Variants in PIAS2 observed in about 807,000 individuals in gnomAD.
PIAS2 encodes protein inhibitor of activated STAT 2.
A neutral mutation model predicts 69.7 loss-of-function variants in PIAS2; 19 were observed. The observed-to-expected ratio is 0.27, with a 90% confidence interval of 0.19 to 0.40. The LOEUF is 0.40. Ranked by LOEUF, PIAS2 falls within the 10% of genes least tolerant of loss-of-function variation. The pLI is 1.00. For missense variants in PIAS2, 624 were observed against 757.0 expected (o/e 0.82, Z 2.06); for synonymous variants, 261 against 263.2 (o/e 0.99, Z 0.08).
chr18:46,890,502 C>T (rs571119807), intron 2 of PIAS2, 78 bp downstream of exon 2: 132 of 874,444 alleles, frequency 1.5e-4, no homozygotes, highest in Admixed American at 3.9e-4. Flanking sequence ...ATTAACAGCA[C>T]ATCATTAATC....
chr18:46,854,164 G>A (rs1190649310), intron 5 of PIAS2, among the ~76,000 whole-genome samples: 3 of 152,174 alleles, frequency 2.0e-5, no homozygotes, highest in Non-Finnish European at 4.4e-5. Context: ...GTCAGTCTCA[G>A]TCATGGAATT....
At chr18:46,851,065 G>C (rs2145358435) in intron 5 of PIAS2, among the ~76,000 whole-genome samples, 1 of 152,260 alleles carries the variant, frequency 6.6e-6, no homozygotes, top group Admixed American at 6.5e-5. Context: ...ATTGGGGTGA[G>C]TGTGCACACA....
At chr18:46,917,659 G>T, upstream of PIAS2, 1 of 638,980 alleles carries the variant, frequency 1.6e-6, no homozygotes, top group Non-Finnish European at 2.0e-6. Flanking sequence ...CCCGCGGCTT[G>T]GCCCCGCTCG....
At chr18:46,828,231 CA>C in intron 10 of PIAS2, 101 bp from the exon 11 acceptor site, 1 of 1,036,134 alleles carries the variant, frequency 9.7e-7, no homozygotes, top group South Asian at 2.4e-5. Context: ...TTCCTGACAA[CA>C]TATAGCCAGT....
Position 46,806,678 on chromosome 18 carries a change from C to T in PIAS2, c.*5755G>A, listed in dbSNP as rs912226224. 6.6e-6 allele frequency: 1 copy of T among 151,990 alleles called. No homozygotes were observed. The highest frequency in any genetic ancestry group is 1.5e-5 in the Non-Finnish European group (1 of 68,012). 9.4% of individuals were successfully genotyped at this position (151,990 alleles called of 1,614,324 possible). A position where few individuals can be genotyped will look rare whatever the true frequency, so the allele number is the denominator to read the frequency against. On this transcript the variant is annotated 3_prime_UTR_variant, in exon 14 of 14. Transcript: ENST00000585916. Reference sequence around the variant, plus strand: ...GCTTAAGAATTCTTGATTTTTGGAACCTTGATTATAAGCTGCCTGATGTCT... The same window carrying T: ...GCTTAAGAATTCTTGATTTTTGGAATCTTGATTATAAGCTGCCTGATGTCT...
chr18:46,843,204 A>C (rs1599633554), intron 8 of PIAS2, among the ~76,000 whole-genome samples: 1 of 152,220 alleles, frequency 6.6e-6, no homozygotes. Context: ...AAGACAGTTA[A>C]ATAAAAGAAC....
At chr18:46,834,932 A>C (rs1034048817) in intron 9 of PIAS2, among the ~76,000 whole-genome samples, 3 of 152,244 alleles carry the variant, frequency 2.0e-5, no homozygotes, top group Admixed American at 2.0e-4. Flanking sequence ...ATAAATAGTA[A>C]AAGTCTTACA....
chr18:46,905,246 T>A (rs1056687427), intron 1 of PIAS2, among the ~76,000 whole-genome samples: 5 of 152,208 alleles, frequency 3.3e-5, no homozygotes, highest in African/African-American at 1.2e-4. Context: ...AGAGGAACTC[T>A]GTTTGGAAAT....
intron 3 of PIAS2, among the ~76,000 whole-genome samples, chr18:46,859,333 C>G (rs553935288): frequency 8.5e-4 from 125 of 146,370 alleles, no homozygotes; most frequent in African/African-American, 3.1e-3. Context: ...GAGGCTGCGG[C>G]AGGAGAATGG....
intron 1 of PIAS2, among the ~76,000 whole-genome samples, chr18:46,912,679 TA>T (rs2057394415): frequency 6.6e-6 from 1 of 152,174 alleles, no homozygotes; most frequent in Non-Finnish European, 1.5e-5. Context: ...AGTTAAGAAA[TA>T]TTTTTTTTGA....
At chr18:46,862,774 C>T (rs8085090) in intron 3 of PIAS2, among the ~76,000 whole-genome samples, 1,966 of 152,052 alleles carry the variant, frequency 0.013, 42 homozygotes, top group African/African-American at 0.044. Context: ...GGTGCGATCT[C>T]GGCTCACTGC....
intron 2 of PIAS2, among the ~76,000 whole-genome samples, chr18:46,881,371 T>C (rs2145858868): frequency 6.6e-6 from 1 of 152,334 alleles, no homozygotes; most frequent in Admixed American, 6.5e-5. Flanking sequence ...TTAGAAAAAC[T>C]TTGGTGTATG....
intron 1 of PIAS2, among the ~76,000 whole-genome samples, chr18:46,899,035 T>C (rs1179607243): frequency 6.7e-6 from 1 of 150,112 alleles, no homozygotes; most frequent in Non-Finnish European, 1.5e-5. Flanking sequence ...ACAGACTGTA[T>C]CATGCATGTT....
chr18:46,877,233 A>T (rs930345677), intron 2 of PIAS2, among the ~76,000 whole-genome samples: 1 of 152,242 alleles, frequency 6.6e-6, no homozygotes, highest in Admixed American at 6.5e-5. Flanking sequence ...CAGGCAGAAT[A>T]ACAGAGTCAA....
At chr18:46,857,607 G>T (rs575789152) in intron 3 of PIAS2, among the ~76,000 whole-genome samples, 1 of 152,256 alleles carries the variant, frequency 6.6e-6, no homozygotes, top group Non-Finnish European at 1.5e-5. Context: ...TGGGAAACAC[G>T]ATGTGAAGAA....
At chr18:46,861,421 G>C (rs939588108) in intron 3 of PIAS2, among the ~76,000 whole-genome samples, 2 of 152,146 alleles carry the variant, frequency 1.3e-5, no homozygotes, top group African/African-American at 4.8e-5. Context: ...ATCTGCAAAA[G>C]TTTGAGGAAA....
Position 46,815,346 on chromosome 18 carries a change from AAACCT to A in PIAS2, c.1649-2_1651del. On this transcript the variant is annotated splice_acceptor_variant and coding_sequence_variant, in exon 13 of 14. Coordinates refer to ENST00000585916, the MANE Select transcript of PIAS2 (RefSeq NM_004671.5). LOFTEE classifies it high-confidence loss of function. ...AACTGGAATAAGGGAAAGAAAATCC[AAACCT>A]AAAACAAAAATGCTTTGTTAATAGT... is the stretch of plus-strand genomic sequence containing the variant. 6.2e-7 allele frequency: 1 copy of A among 1,612,154 alleles called. No homozygotes were observed. The highest frequency in any genetic ancestry group is 8.5e-7 in the Non-Finnish European group (1 of 1,178,660).
At chr18:46,892,751 G>A (rs1320801384) in intron 1 of PIAS2, among the ~76,000 whole-genome samples, 1 of 151,948 alleles carries the variant, frequency 6.6e-6, no homozygotes, top group East Asian at 1.9e-4. Context: ...TCCAGCCTAG[G>A]CAATATTAAG....
intron 1 of PIAS2, among the ~76,000 whole-genome samples, chr18:46,913,127 G>C (rs1323909506): frequency 2.6e-5 from 4 of 152,136 alleles, no homozygotes; most frequent in African/African-American, 9.7e-5. Flanking sequence ...ATAGCTATTA[G>C]TCTGTATCCC....
Sources: gnomAD v4.1 joint callset for allele counts (sites outside exome capture counted in the v4.1 genomes callset) on GRCh38, gnomAD v4.1.1 for gene constraint, MANE v1.5 for transcripts, NCBI Gene and HGNC (gene_info 2026-07-23, HGNC 2026-07-21) for gene names.